The following PDE4D variants were observed in gnomAD, a reference collection of about 807,000 sequenced individuals.
PDE4D encodes the protein 3',5'-cyclic-AMP phosphodiesterase 4D.
In PDE4D, 24 loss-of-function variants were observed where a neutral mutation model predicts 87.4. The ratio of observed to expected loss-of-function variants is 0.27; its 90% CI spans 0.20 to 0.39. The LOEUF (loss-of-function observed/expected upper bound fraction) is 0.39, where lower values mean the gene tolerates loss of function less well. Among genes scored for constraint, PDE4D ranks in the 10% least tolerant of loss-of-function variants. The probability of loss-of-function intolerance (pLI) is 1.00; values close to 1 mark genes in which losing one functional copy is unlikely to be tolerated. For missense variants in PDE4D, 714 were observed against 1,041.0 expected (o/e 0.69, Z 4.32); for synonymous variants, 384 against 383.2 (o/e 1.00, Z -0.02).
upstream of PDE4D, chr5:59,893,838 C>A (rs1270244062): frequency 1.5e-6 from 2 of 1,318,370 alleles, no homozygotes; most frequent in African/African-American, 3.1e-5. Context: ...AGGGCTCCTT[C>A]CACCGAGGCT....
chr5:60,260,092 C>A (rs547726343), intron 1 of PDE4D, among the ~76,000 whole-genome samples: 8 of 151,990 alleles, frequency 5.3e-5, no homozygotes, highest in Non-Finnish European at 7.4e-5. Flanking sequence ...TATTTAGGTT[C>A]ATTTAATCTT....
At chr5:59,133,253 A>G (rs1046360217) in intron 5 of PDE4D, among the ~76,000 whole-genome samples, 2 of 152,200 alleles carry the variant, frequency 1.3e-5, no homozygotes, top group African/African-American at 4.8e-5. Flanking sequence ...TTTTCTAGTA[A>G]GAGTAGCAAA....
chr5:59,424,774 A>G (rs762075040), intron 1 of PDE4D, among the ~76,000 whole-genome samples: 2 of 152,206 alleles, frequency 1.3e-5, no homozygotes, highest in Non-Finnish European at 2.9e-5. Flanking sequence ...GCCAAACCAT[A>G]TCATTTGCTA....
chr5:59,724,043 TG>T (rs1220106049), intron 1 of PDE4D, among the ~76,000 whole-genome samples: 1 of 152,028 alleles, frequency 6.6e-6, no homozygotes, highest in East Asian at 1.9e-4. Flanking sequence ...ATTCTTGACT[TG>T]GAAAAAGGAA....
At chr5:60,223,955 T>C (rs1411693261) in intron 1 of PDE4D, among the ~76,000 whole-genome samples, 1 of 152,058 alleles carries the variant, frequency 6.6e-6, no homozygotes, top group Non-Finnish European at 1.5e-5. Flanking sequence ...CCATCCCCCC[T>C]TTTTCCTGGG....
chr5:59,471,067 C>A (rs1802360531), intron 1 of PDE4D, among the ~76,000 whole-genome samples: 1 of 152,058 alleles, frequency 6.6e-6, no homozygotes, highest in Admixed American at 6.6e-5. Flanking sequence ...CATATTGAGA[C>A]CCTGTCTCTA....
intron 1 of PDE4D, among the ~76,000 whole-genome samples, chr5:60,434,117 A>G (rs932233991): frequency 6.6e-6 from 1 of 152,184 alleles, no homozygotes; most frequent in Non-Finnish European, 1.5e-5. Context: ...TCTTTGATTG[A>G]CATGATCAGG....
chr5:60,222,143 C>T (rs535179153), intron 1 of PDE4D, among the ~76,000 whole-genome samples: 33 of 152,202 alleles, frequency 2.2e-4, no homozygotes, highest in South Asian at 6.2e-4. Context: ...GTCATAAAAG[C>T]TTCCACCTTG....
At chr5:60,433,176 G>T (rs1398820082) in intron 1 of PDE4D, among the ~76,000 whole-genome samples, 1 of 152,108 alleles carries the variant, frequency 6.6e-6, no homozygotes, top group Non-Finnish European at 1.5e-5. Flanking sequence ...TTTACAAATT[G>T]TGCATCTGGC....
chr5:60,095,565 C>G (rs1166171913), intron 2 of PDE4D, among the ~76,000 whole-genome samples: 1 of 152,068 alleles, frequency 6.6e-6, no homozygotes, highest in Non-Finnish European at 1.5e-5. Flanking sequence ...GATATATACC[C>G]AGTAATGAGA....
chr5:60,379,573 A>G (rs182939894), intron 1 of PDE4D, among the ~76,000 whole-genome samples: 160 of 152,284 alleles, frequency 1.1e-3, no homozygotes, highest in African/African-American at 3.8e-3. Flanking sequence ...GCACTTGAAA[A>G]TTTCTAGAAA....
chr5:60,346,993 G>GT (rs536470335), intron 1 of PDE4D, among the ~76,000 whole-genome samples: 204 of 152,192 alleles, frequency 1.3e-3, no homozygotes, highest in Non-Finnish European at 2.6e-3. Context: ...AGAGAGAAGA[G>GT]TTTCCTGCTC....
At chr5:59,656,860 G>A (rs1744448034) in intron 1 of PDE4D, among the ~76,000 whole-genome samples, 1 of 152,142 alleles carries the variant, frequency 6.6e-6, no homozygotes, top group Admixed American at 6.5e-5. Flanking sequence ...ATTCATAACA[G>A]TATTAACATA....
At chr5:59,366,427 C>A (rs35289) in intron 1 of PDE4D, among the ~76,000 whole-genome samples, 22,482 of 151,948 alleles carry the variant, frequency 0.15, 1,731 homozygotes, top group East Asian at 0.22. Context: ...ATGAGTTATC[C>A]AAATCAATAC....
intron 6 of PDE4D, among the ~76,000 whole-genome samples, chr5:59,025,177 C>T (rs1485469766): frequency 6.6e-6 from 1 of 152,074 alleles, no homozygotes; most frequent in Non-Finnish European, 1.5e-5. Context: ...TTAAAGCACT[C>T]ATGAAATAAT....
At chr5:59,131,341 A>G (rs1776229046) in intron 5 of PDE4D, among the ~76,000 whole-genome samples, 1 of 152,166 alleles carries the variant, frequency 6.6e-6, no homozygotes, top group Non-Finnish European at 1.5e-5. Context: ...CCTAGTACAC[A>G]AGTACCAGGT....
chr5:59,836,423 C>T (rs987968036), intron 1 of PDE4D, among the ~76,000 whole-genome samples: 1 of 151,862 alleles, frequency 6.6e-6, no homozygotes, highest in Non-Finnish European at 1.5e-5. Flanking sequence ...GAAATAAATA[C>T]AAAGAGATAT....
chr5:60,290,894 T>G (rs1752834798), intron 1 of PDE4D, among the ~76,000 whole-genome samples: 1 of 152,170 alleles, frequency 6.6e-6, no homozygotes, highest in Admixed American at 6.5e-5. Flanking sequence ...CTCTTTCCCC[T>G]AGTGTATTTG....
chr5:59,598,589 T>C (rs528376764), intron 1 of PDE4D, among the ~76,000 whole-genome samples: 1 of 152,034 alleles, frequency 6.6e-6, no homozygotes, highest in Non-Finnish European at 1.5e-5. Flanking sequence ...CCTGTGTGTG[T>C]GGGAGGGTTG....
Sources: gnomAD v4.1 joint callset for allele counts (sites outside exome capture counted in the v4.1 genomes callset) on GRCh38, gnomAD v4.1.1 for gene constraint, MANE v1.5 for transcripts, NCBI Gene and HGNC (gene_info 2026-07-23, HGNC 2026-07-21) for gene names.